Variants in AGPAT5 observed in about 807,000 individuals in gnomAD.
The protein encoded by AGPAT5 is 1-acylglycerol-3-phosphate O-acyltransferase 5.
A neutral mutation model predicts 45.6 loss-of-function variants in AGPAT5; 46 were observed. That is an observed-to-expected ratio of 1.01 (90% confidence interval 0.80 to 1.29). The LOEUF (loss-of-function observed/expected upper bound fraction) is 1.29. Among genes scored for constraint, AGPAT5 ranks in the 50% most tolerant of loss-of-function variants. The pLI is 0.00. For synonymous variants in AGPAT5, 272 were observed against 167.0 expected, an observed-to-expected ratio of 1.63 and a Z score of -4.85; for missense variants, 673 against 450.7, an observed-to-expected ratio of 1.49 and a Z score of -4.47.
chr8:6,733,408 A>G (rs1800938179), intron 4 of AGPAT5, among the ~76,000 whole-genome samples: 1 of 152,174 alleles, frequency 6.6e-6, no homozygotes, highest in East Asian at 1.9e-4. Context: ...TGAAGGAAGA[A>G]TTCTTCACGG....
At chr8:6,719,041 A>AT (rs1437603856) in intron 1 of AGPAT5, among the ~76,000 whole-genome samples, 1 of 152,188 alleles carries the variant, frequency 6.6e-6, no homozygotes, top group Non-Finnish European at 1.5e-5. Context: ...ATGGTCGAAG[A>AT]TTGTAAAAAT....
chr8:6,708,824 C>T lies in AGPAT5; in HGVS notation c.156C>T (p.Asp52=), dbSNP rs1217240527. 15 of 1,611,718 alleles carry T rather than the reference C, an allele frequency of 9.3e-6. No homozygotes were observed. Among genetic ancestry groups the T allele is most frequent in the East Asian group, 6.7e-5 (3 of 44,858 alleles). The change falls in exon 1 of 8, where the codon GAC becomes GAT. Residue 52 remains aspartate, a synonymous_variant. Coordinates refer to ENST00000285518, the MANE Select transcript of AGPAT5 (RefSeq NM_018361.5). Reference sequence around the variant, plus strand: ...CCCGCTTCTACCAAGCGCTGGACGACCGGCTCTACTGCGTCTACCAGAGCA... The same window carrying T: ...CCCGCTTCTACCAAGCGCTGGACGATCGGCTCTACTGCGTCTACCAGAGCA... ...LPARFYQALD[D]RLYCVYQSMV...
At chr8:6,740,137 G>A (rs1393400906) in intron 4 of AGPAT5, among the ~76,000 whole-genome samples, 1 of 152,046 alleles carries the variant, frequency 6.6e-6, no homozygotes, top group Non-Finnish European at 1.5e-5. Flanking sequence ...GTCTGTCAAT[G>A]TTCTTTTAAA....
chr8:6,758,155 C>T lies in AGPAT5; in HGVS notation c.*767C>T, dbSNP rs1420375390. ...GATTTAAGCTACACTATTAGTACTT[C>T]CCTTTGTCTGTGCCATAAGTGCTTG... On this transcript the variant is annotated 3_prime_UTR_variant, in exon 8 of 8. Coordinates refer to ENST00000285518, the MANE Select transcript of AGPAT5 (RefSeq NM_018361.5). The T allele has an allele frequency of 1.3e-5, 2 of 152,370 alleles. No individual in the cohort carries two copies. Among genetic ancestry groups the T allele is most frequent in the African/African-American group, 4.8e-5 (2 of 41,432 alleles). The allele number at this position is 152,370 out of a possible 1,614,324, so 9.4% of individuals were successfully genotyped here. A position where few individuals can be genotyped will look rare whatever the true frequency, so the allele number is the denominator to read the frequency against.
At chr8:6,744,402 A>C (rs1801356346) in intron 5 of AGPAT5, among the ~76,000 whole-genome samples, 6 of 152,218 alleles carry the variant, frequency 3.9e-5, no homozygotes, top group Admixed American at 3.9e-4. Context: ...GCAGGGCCAC[A>C]AACTTGGTGG....
intron 5 of AGPAT5, chr8:6,746,158 C>CA (rs1801453225): frequency 6.6e-6 from 1 of 152,188 alleles, no homozygotes; most frequent in Admixed American, 6.5e-5. Context: ...GTTAGGACTA[C>CA]AGACATACAC....
At chr8:6,749,381 A>T (rs1403611166) in intron 6 of AGPAT5, among the ~76,000 whole-genome samples, 1 of 152,236 alleles carries the variant, frequency 6.6e-6, no homozygotes, top group Non-Finnish European at 1.5e-5. Context: ...AATTGTATAT[A>T]ACACAGAGTA....
rs908716994 is a variant in AGPAT5 at position 6,759,802 on chromosome 8, C to G, written c.*2414C>G. On this transcript the variant is annotated 3_prime_UTR_variant, in exon 8 of 8. Coordinates refer to ENST00000285518, the MANE Select transcript of AGPAT5 (RefSeq NM_018361.5). ...TTGAGCAAAGTTTTAAAAAAATACA[C>G]TAAAATAATCAAAACTGTTAAGCAG... 7 of 152,122 alleles carry G rather than the reference C, an allele frequency of 4.6e-5. No individual in the cohort carries two copies. Among genetic ancestry groups the G allele is most frequent in the Admixed American group, 2.6e-4 (4 of 15,262 alleles). 9.4% of individuals were successfully genotyped at this position (152,122 alleles called of 1,614,324 possible). A position where few individuals can be genotyped will look rare whatever the true frequency, so the allele number is the denominator to read the frequency against.
intron 5 of AGPAT5, among the ~76,000 whole-genome samples, chr8:6,744,967 C>T (rs1371223318): frequency 1.3e-5 from 2 of 152,194 alleles, no homozygotes; most frequent in African/African-American, 2.4e-5. Flanking sequence ...TCATTTCAGC[C>T]GAGCCAAGTC....
intron 5 of AGPAT5, among the ~76,000 whole-genome samples, chr8:6,742,657 A>C (rs1332931322): frequency 6.6e-6 from 1 of 152,242 alleles, no homozygotes; most frequent in Non-Finnish European, 1.5e-5. Flanking sequence ...TGACTAGTGC[A>C]TGAAACTAAT....
intron 4 of AGPAT5, among the ~76,000 whole-genome samples, chr8:6,737,432 A>G (rs1489335719): frequency 2.0e-5 from 3 of 152,248 alleles, no homozygotes; most frequent in Admixed American, 6.5e-5. Flanking sequence ...ATTAGTATTT[A>G]AGAAATGCAG....
intron 1 of AGPAT5, 115 bp from the exon 2 acceptor site, chr8:6,724,755 A>G (rs750956401): frequency 2.8e-6 from 1 of 356,424 alleles, no homozygotes; most frequent in Non-Finnish European, 5.3e-6. Context: ...AATTTTTGTT[A>G]ATCATGGATG....
chr8:6,711,319 A>G (rs992812), intron 1 of AGPAT5, among the ~76,000 whole-genome samples: 108,364 of 152,134 alleles, frequency 0.71, 39,608 homozygotes, highest in African/African-American at 0.88. Flanking sequence ...TTCTTCCCCA[A>G]TTTCACTACT....
chr8:6,728,639 A>T (rs1012564131), intron 2 of AGPAT5, among the ~76,000 whole-genome samples: 1 of 151,928 alleles, frequency 6.6e-6, no homozygotes, highest in Non-Finnish European at 1.5e-5. Context: ...AAATAAAAAA[A>T]TTATTGCAGG....
chr8:6,737,890 C>T (rs1427052760), intron 4 of AGPAT5, among the ~76,000 whole-genome samples: 4 of 152,186 alleles, frequency 2.6e-5, no homozygotes, highest in African/African-American at 7.2e-5. Context: ...CCTCTGCTAG[C>T]TTCTAAGTTT....
chr8:6,727,720 C>G (rs1162491226), intron 2 of AGPAT5, among the ~76,000 whole-genome samples: 3 of 152,154 alleles, frequency 2.0e-5, no homozygotes, highest in African/African-American at 7.2e-5. Flanking sequence ...GTTCTCTTTT[C>G]TTGGCTGAAG....
intron 4 of AGPAT5, among the ~76,000 whole-genome samples, chr8:6,739,798 A>G (rs1489011065): frequency 6.6e-6 from 1 of 152,070 alleles, no homozygotes; most frequent in Non-Finnish European, 1.5e-5. Flanking sequence ...CCTTGACTAG[A>G]ACTGGTGTGA....
At chr8:6,739,730 C>A (rs1407256294) in intron 4 of AGPAT5, among the ~76,000 whole-genome samples, 3 of 151,978 alleles carry the variant, frequency 2.0e-5, no homozygotes, top group Non-Finnish European at 4.4e-5. Context: ...CCTTTTTAAT[C>A]TTGATGGCTT....
intron 1 of AGPAT5, among the ~76,000 whole-genome samples, chr8:6,715,983 C>T (rs551981813): frequency 4.0e-4 from 61 of 152,222 alleles, no homozygotes; most frequent in African/African-American, 1.3e-3. Flanking sequence ...CTTTTCCATT[C>T]GTTGGTTTCA....
Sources: allele counts gnomAD v4.1 joint callset (sites outside exome capture counted in the v4.1 genomes callset), GRCh38; gene constraint gnomAD v4.1.1; transcripts MANE v1.5; gene names NCBI Gene and HGNC (gene_info 2026-07-23, HGNC 2026-07-21).